STRADA: variants seen among roughly 807,000 people sequenced by gnomAD.
The protein encoded by STRADA is STE20 related adaptor alpha.
STRADA carries 26 observed loss-of-function variants against 55.0 expected under a neutral mutation model. The observed-to-expected ratio is 0.47, with a 90% CI of 0.35 to 0.66. The LOEUF (loss-of-function observed/expected upper bound fraction) is 0.66, where lower values mean the gene tolerates loss of function less well. Ranked by LOEUF, STRADA falls within the 30% of genes least tolerant of loss-of-function variation. The pLI is 0.01. For missense variants in STRADA, 443 were observed against 549.7 expected (o/e 0.81, Z 1.94); for synonymous variants, 197 against 210.9 (o/e 0.93, Z 0.57).
At chr17:63,738,834 A>AAATAATAATAATAAT (rs372982779) in intron 1 of STRADA, among the ~76,000 whole-genome samples, 158 of 146,280 alleles carry the variant, frequency 1.1e-3, no homozygotes, top group African/African-American at 3.5e-3. Context: ...CTCCATCTCA[A>AAATAATAATAATAAT]AATAATAATA....
intron 1 of STRADA, among the ~76,000 whole-genome samples, chr17:63,733,441 A>G (rs2038210213): frequency 6.8e-6 from 1 of 148,090 alleles, no homozygotes; most frequent in South Asian, 2.2e-4. Context: ...ATTCTTGTTT[A>G]TCTTATTTTT....
chr17:63,738,377 GA>G (rs1178980263), intron 1 of STRADA, among the ~76,000 whole-genome samples: 1 of 150,388 alleles, frequency 6.6e-6, no homozygotes, highest in Non-Finnish European at 1.5e-5. Context: ...AAAAGAAAAT[GA>G]AAAAAAGAAA....
intron 8 of STRADA, chr17:63,710,258 C>G (rs1404969879): frequency 2.0e-6 from 1 of 506,524 alleles, no homozygotes; most frequent in Non-Finnish European, 3.4e-6. Flanking sequence ...AGGCTGGTCT[C>G]AAACTCCTGA....
At chr17:63,714,750 C>T (rs918104628) in intron 4 of STRADA, among the ~76,000 whole-genome samples, 5 of 152,298 alleles carry the variant, frequency 3.3e-5, no homozygotes, top group South Asian at 2.1e-4. Flanking sequence ...TTCCTGCCCA[C>T]GTGTGCTGTG....
In STRADA at chr17:63,703,512, G is replaced by A. The variant is rs1374887579; in HGVS notation, c.*87C>T. 7 of 1,295,394 alleles carry A rather than the reference G, an allele frequency of 5.4e-6. No individual in the cohort carries two copies. In the East Asian group the frequency reaches 1.7e-4, roughly 32 times the overall value. 80.2% of individuals were successfully genotyped at this position (1,295,394 alleles called of 1,614,324 possible). ...TGTCCTTTCTACCCAATCTGCCCAG[G>A]AGGGCGGGAATGTGGCCGGCCCTCA... On this transcript the variant is annotated 3_prime_UTR_variant, in exon 13 of 13. Coordinates refer to ENST00000336174, the MANE Select transcript of STRADA (RefSeq NM_001003787.4).
At chr17:63,711,354 C>G (rs1222072770) in intron 6 of STRADA, among the ~76,000 whole-genome samples, 1 of 151,688 alleles carries the variant, frequency 6.6e-6, no homozygotes, top group East Asian at 1.9e-4. Context: ...AAAATGTTTT[C>G]TTTTTTATTT....
chr17:63,711,351 T>G (rs1357520573), intron 6 of STRADA, among the ~76,000 whole-genome samples: 1 of 151,904 alleles, frequency 6.6e-6, no homozygotes, highest in Non-Finnish European at 1.5e-5. Context: ...CCAAAAATGT[T>G]TTCTTTTTTA....
At chr17:63,709,591 CT>C (rs2036350439) in intron 8 of STRADA, among the ~76,000 whole-genome samples, 1 of 152,168 alleles carries the variant, frequency 6.6e-6, no homozygotes, top group Admixed American at 6.5e-5. Context: ...ATTCATCAAT[CT>C]TTTGTCTTAT....
intron 11 of STRADA, 140 bp downstream of exon 11, chr17:63,704,201 A>T: frequency 6.6e-7 from 1 of 1,521,304 alleles, no homozygotes. Context: ...CCTCTGACAC[A>T]CCCAGGAGCT....
chr17:63,711,344 A>G (rs2036483948), intron 6 of STRADA, among the ~76,000 whole-genome samples: 1 of 151,546 alleles, frequency 6.6e-6, no homozygotes, highest in Admixed American at 6.6e-5. Flanking sequence ...CACCTGGCCA[A>G]AAATGTTTTC....
At chr17:63,726,975 A>G (rs2037705736) in intron 2 of STRADA, 2 of 441,550 alleles carry the variant, frequency 4.5e-6, no homozygotes, top group South Asian at 3.6e-5. Flanking sequence ...TGCCTTCCCT[A>G]TATTGGTTCC....
chr17:63,723,429 A>G (rs2037443292), intron 3 of STRADA, 103 bp from the exon 4 acceptor site: 1 of 1,415,470 alleles, frequency 7.1e-7, no homozygotes, highest in Non-Finnish European at 9.9e-7. Flanking sequence ...TATTAATAGA[A>G]ACCACTTAAA....
chr17:63,732,059 A>C (rs527260788), intron 1 of STRADA, among the ~76,000 whole-genome samples: 2 of 151,540 alleles, frequency 1.3e-5, no homozygotes, highest in South Asian at 4.2e-4. Context: ...TAGTAGAGAC[A>C]GGGTTTCACC....
At chr17:63,740,107 T>TATATATATATATATATATATGCAC (rs1309095081) in intron 1 of STRADA, among the ~76,000 whole-genome samples, 1 of 49,648 alleles carries the variant, frequency 2.0e-5, no homozygotes, top group Non-Finnish European at 3.7e-5. Flanking sequence ...TATATATATA[T>TATATATATATATATATATATGCAC]ACATACATAC....
At chr17:63,711,372 A>G (rs185967519) in intron 6 of STRADA, among the ~76,000 whole-genome samples, 213 of 151,924 alleles carry the variant, frequency 1.4e-3, no homozygotes, top group Non-Finnish European at 2.1e-3. Flanking sequence ...TTTTTTTGAG[A>G]CAGGGTCTTG....
chr17:63,706,717 T>C lies in STRADA; in HGVS notation c.776A>G (p.Lys259Arg). ...LQQNLQGYDA[K>R]SDIYSVGITA... is the part of the protein sequence containing the mutation. ...GATTCCCACACTGTAGATGTCAGAC[T>C]TGGCATCATAACCCTGGAGATTCTA... Residue 259 changes from lysine (K) to arginine (R), a missense_variant, in exon 10 of 13, where the codon AAG becomes AGG. By Grantham distance (26) the Lys-to-Arg change is conservative. Transcript: ENST00000336174. 1 of 1,613,926 alleles carries C rather than the reference T, an allele frequency of 6.2e-7. No homozygotes were observed. The highest frequency in any genetic ancestry group is 8.5e-7 in the Non-Finnish European group (1 of 1,179,840).
At chr17:63,705,917 G>C (rs1433002568) in intron 10 of STRADA, 1 of 152,178 alleles carries the variant, frequency 6.6e-6, no homozygotes, top group Admixed American at 6.5e-5. Flanking sequence ...GCTGCACTCT[G>C]GCCACCCTCC....
intron 1 of STRADA, among the ~76,000 whole-genome samples, chr17:63,729,291 T>C (rs1400948883): frequency 1.3e-5 from 2 of 152,212 alleles, no homozygotes; most frequent in Non-Finnish European, 2.9e-5. Flanking sequence ...GGCTAACTCA[T>C]AGACAATGTA....
At chr17:63,708,624 T>TC (rs1349442801) in intron 8 of STRADA, among the ~76,000 whole-genome samples, 24 of 152,208 alleles carry the variant, frequency 1.6e-4, no homozygotes, top group Admixed American at 1.2e-3. Context: ...AGCCTCCACC[T>TC]CCCAGGTTCA....
Sources: allele counts gnomAD v4.1 joint callset (sites outside exome capture counted in the v4.1 genomes callset), GRCh38; gene constraint gnomAD v4.1.1; transcripts MANE v1.5; gene names NCBI Gene and HGNC (gene_info 2026-07-23, HGNC 2026-07-21).